IL1RAPL2: variants seen among roughly 807,000 people sequenced by gnomAD.
IL1RAPL2 encodes the protein X-linked interleukin-1 receptor accessory protein-like 2.
Under a neutral mutation model 44.1 loss-of-function variants are expected in IL1RAPL2, and 3 were observed. That is an observed-to-expected ratio of 0.07 (90% CI 0.03 to 0.18). The LOEUF (loss-of-function observed/expected upper bound fraction) is 0.18, where lower values mean the gene tolerates loss of function less well. Among genes scored for constraint, IL1RAPL2 ranks in the 10% least tolerant of loss-of-function variants. The pLI, the probability that IL1RAPL2 is intolerant of heterozygous loss-of-function variation, is 1.00. For synonymous variants in IL1RAPL2, 181 were observed against 178.8 expected (o/e 1.01, Z -0.10); for missense variants, 391 against 496.4 (o/e 0.79, Z 2.02).
At chrX:104,936,920 A>G (rs938207167) in intron 2 of IL1RAPL2, among the ~76,000 whole-genome samples, 1 of 111,449 alleles carries the variant, frequency 9.0e-6, no homozygotes, top group Non-Finnish European at 1.9e-5. Flanking sequence ...CAGACTCTTA[A>G]GTAGGAAAGT....
chrX:105,297,523 G>C (rs2034662627), intron 5 of IL1RAPL2, among the ~76,000 whole-genome samples: 1 of 110,653 alleles, frequency 9.0e-6, no homozygotes, highest in African/African-American at 3.3e-5. Context: ...AGGCGAAGGG[G>C]AGGCAGGCAC....
At chrX:105,287,569 C>T (rs2034580801) in intron 5 of IL1RAPL2, among the ~76,000 whole-genome samples, 1 of 111,487 alleles carries the variant, frequency 9.0e-6, no homozygotes, top group African/African-American at 3.3e-5. Context: ...GAAGAGAAGC[C>T]TGAATAGTTA....
intron 5 of IL1RAPL2, among the ~76,000 whole-genome samples, chrX:105,305,975 A>G (rs1223746376): frequency 1.8e-5 from 2 of 111,159 alleles, no homozygotes; most frequent in African/African-American, 6.5e-5. Context: ...GAATTGGATG[A>G]TATTCCTTAT....
At chrX:104,817,781 A>ATATTAAT (rs2147621838) in intron 2 of IL1RAPL2, among the ~76,000 whole-genome samples, 1 of 112,015 alleles carries the variant, frequency 8.9e-6, no homozygotes, top group South Asian at 3.8e-4. Flanking sequence ...TAATAAGCAC[A>ATATTAAT]GTGTCTGACA....
intron 2 of IL1RAPL2, among the ~76,000 whole-genome samples, chrX:105,162,358 A>T (rs2033333405): frequency 8.9e-6 from 1 of 112,276 alleles, no homozygotes; most frequent in African/African-American, 3.2e-5. Flanking sequence ...CAATTGCTTT[A>T]CAATATTATT....
At chrX:104,910,983 A>G (rs1231290283) in intron 2 of IL1RAPL2, among the ~76,000 whole-genome samples, 1 of 112,283 alleles carries the variant, frequency 8.9e-6, no homozygotes, top group African/African-American at 3.2e-5. Context: ...ATTTGAATAA[A>G]TCAGAAGAGA....
chrX:105,105,741 A>G (rs1438553106), intron 2 of IL1RAPL2, among the ~76,000 whole-genome samples: 1 of 112,275 alleles, frequency 8.9e-6, no homozygotes, highest in African/African-American at 3.2e-5. Flanking sequence ...TTCCTTTCTG[A>G]ATGGGGCCAC....
intron 2 of IL1RAPL2, among the ~76,000 whole-genome samples, chrX:104,728,613 A>G (rs1201682414): frequency 1.8e-5 from 2 of 111,315 alleles, no homozygotes; most frequent in African/African-American, 3.3e-5. Flanking sequence ...CGTCCTTATA[A>G]AAAGGGGAAC....
chrX:104,986,207 C>T (rs778268387), intron 2 of IL1RAPL2, among the ~76,000 whole-genome samples: 1 of 111,973 alleles, frequency 8.9e-6, no homozygotes, highest in East Asian at 2.8e-4. Flanking sequence ...TGATTTGCTT[C>T]ACTATCCTGA....
chrX:105,181,827 G>A (rs1170297338), intron 2 of IL1RAPL2, among the ~76,000 whole-genome samples: 1 of 110,847 alleles, frequency 9.0e-6, no homozygotes, highest in East Asian at 2.8e-4. Context: ...CACTTTGGGA[G>A]GCCGAGGCAG....
At chrX:105,696,237 T>C (rs1173216186) in intron 6 of IL1RAPL2, among the ~76,000 whole-genome samples, 1 of 112,052 alleles carries the variant, frequency 8.9e-6, no homozygotes, top group African/African-American at 3.2e-5. Flanking sequence ...AAATTGGTCA[T>C]TTTAAAATTT....
intron 1 of IL1RAPL2, chrX:104,647,956 G>T: frequency 1.2e-6 from 1 of 821,017 alleles, no homozygotes; most frequent in Non-Finnish European, 1.8e-6. Flanking sequence ...CAACAGCTAA[G>T]GCCAGGCCAA....
At chrX:105,255,597 A>G (rs1026002945) in intron 4 of IL1RAPL2, among the ~76,000 whole-genome samples, 1 of 112,012 alleles carries the variant, frequency 8.9e-6, no homozygotes, top group Non-Finnish European at 1.9e-5. Flanking sequence ...TGTTGTCTGC[A>G]AACAGAGATA....
chrX:105,618,585 A>G (rs979228462), intron 6 of IL1RAPL2, among the ~76,000 whole-genome samples: 1 of 111,518 alleles, frequency 9.0e-6, no homozygotes, highest in African/African-American at 3.3e-5. Context: ...TTCCCTTTAC[A>G]CCAGTTACTA....
chrX:105,626,916 G>A (rs1922335749), intron 6 of IL1RAPL2, among the ~76,000 whole-genome samples: 1 of 111,371 alleles, frequency 9.0e-6, no homozygotes, highest in Non-Finnish European at 1.9e-5. Context: ...GCAGATTCTT[G>A]CTCCCCCCTC....
chrX:105,418,273 C>G (rs1427788145), intron 5 of IL1RAPL2, among the ~76,000 whole-genome samples: 1 of 110,400 alleles, frequency 9.1e-6, no homozygotes, highest in Non-Finnish European at 1.9e-5. Context: ...TGACAAATAC[C>G]CTAAAAGAAG....
At chrX:105,075,213 T>C (rs1241874366) in intron 2 of IL1RAPL2, among the ~76,000 whole-genome samples, 15 of 111,672 alleles carry the variant, frequency 1.3e-4, no homozygotes, top group Middle Eastern at 4.6e-3. Context: ...TGAGATATGT[T>C]CCATCAATAC....
intron 4 of IL1RAPL2, among the ~76,000 whole-genome samples, chrX:105,242,771 C>G (rs1251629397): frequency 9.0e-6 from 1 of 111,067 alleles, no homozygotes; most frequent in Admixed American, 9.6e-5. Context: ...AGAAGATGGC[C>G]AGAAAAGCAT....
intron 8 of IL1RAPL2, among the ~76,000 whole-genome samples, chrX:105,746,218 G>C (rs2038540778): frequency 8.9e-6 from 1 of 111,770 alleles, no homozygotes; most frequent in Non-Finnish European, 1.9e-5. Context: ...TGAAGAAATA[G>C]GTGGGTTCAA....
Sources: allele counts gnomAD v4.1 joint callset (sites outside exome capture counted in the v4.1 genomes callset), GRCh38; gene constraint gnomAD v4.1.1; transcripts MANE v1.5; gene names NCBI Gene and HGNC (gene_info 2026-07-23, HGNC 2026-07-21).